Variants in ETNK1 observed in about 807,000 individuals in gnomAD.
ETNK1 encodes the protein ethanolamine kinase 1, also known as putative protein product of Nbla10396.
A neutral mutation model predicts 45.1 loss-of-function variants in ETNK1; 8 were observed. The observed-to-expected ratio is 0.18, with a 90% CI of 0.10 to 0.32. The LOEUF is 0.32. Ranked by LOEUF, ETNK1 falls within the 10% of genes least tolerant of loss-of-function variation. The pLI is 1.00. For synonymous variants in ETNK1, 152 were observed against 151.9 expected (o/e 1.00, Z -0.01); for missense variants, 302 against 430.6 (o/e 0.70, Z 2.64).
chr12:22,655,272 T>G (rs1953924626), intron 2 of ETNK1, among the ~76,000 whole-genome samples: 1 of 150,790 alleles, frequency 6.6e-6, no homozygotes, highest in South Asian at 2.1e-4. Flanking sequence ...CCGGCCAACT[T>G]GTAGGAAGTT....
chr12:22,671,393 A>T (rs1283066254), intron 5 of ETNK1, 38 bp downstream of exon 5: 1 of 1,225,494 alleles, frequency 8.2e-7, no homozygotes, highest in Non-Finnish European at 1.2e-6. Flanking sequence ...CTTTGAAACG[A>T]TATTTTCAGA....
At chr12:22,646,756 ATC>A (rs1953812696) in intron 2 of ETNK1, among the ~76,000 whole-genome samples, 1 of 151,820 alleles carries the variant, frequency 6.6e-6, no homozygotes, top group Non-Finnish European at 1.5e-5. Context: ...TGACGAAGGT[ATC>A]TCATTTGAAT....
chr12:22,684,800 C>T, intron 7 of ETNK1, 82 bp from the exon 8 acceptor site: 3 of 1,118,492 alleles, frequency 2.7e-6, no homozygotes, highest in Non-Finnish European at 2.6e-6. Flanking sequence ...AGAAAACCAG[C>T]TTAGAGGACT....
intron 2 of ETNK1, among the ~76,000 whole-genome samples, chr12:22,647,200 ATC>A (rs1953818313): frequency 6.6e-6 from 1 of 151,886 alleles, no homozygotes; most frequent in South Asian, 2.1e-4. Context: ...CAAATTTCTT[ATC>A]AGATATTTCT....
At chr12:22,662,242 ATTTTTTTTTTTTT>A (rs774396641) in intron 4 of ETNK1, among the ~76,000 whole-genome samples, 3 of 73,416 alleles carry the variant, frequency 4.1e-5, no homozygotes, top group Non-Finnish European at 8.3e-5. Flanking sequence ...TAATTTTTGT[ATTTTTTTTTTTTT>A]TTTTTTTTTT....
At chr12:22,650,701 T>C (rs1028307751) in intron 2 of ETNK1, among the ~76,000 whole-genome samples, 5 of 152,004 alleles carry the variant, frequency 3.3e-5, no homozygotes, top group Admixed American at 2.6e-4. Context: ...TCAGCAAATA[T>C]ATTATATAAA....
intron 1 of ETNK1, among the ~76,000 whole-genome samples, chr12:22,641,414 C>T (rs1409516084): frequency 2.0e-5 from 3 of 152,152 alleles, no homozygotes; most frequent in African/African-American, 7.2e-5. Context: ...GTCATTTGGA[C>T]AAAGTTCCTA....
intron 2 of ETNK1, among the ~76,000 whole-genome samples, chr12:22,648,710 A>C (rs949247401): frequency 6.6e-6 from 1 of 152,060 alleles, no homozygotes; most frequent in African/African-American, 2.4e-5. Flanking sequence ...TAGACATACA[A>C]ATTTTTAACT....
chr12:22,642,018 A>G (rs538936962), intron 1 of ETNK1, among the ~76,000 whole-genome samples: 108 of 152,306 alleles, frequency 7.1e-4, no homozygotes, highest in African/African-American at 2.6e-3. Context: ...ATTTAGGGAT[A>G]ATAAGAGAAT....
chr12:22,656,646 T>G, intron 2 of ETNK1: 2 of 985,306 alleles, frequency 2.0e-6, no homozygotes, highest in Non-Finnish European at 2.4e-6. Context: ...AGACGAGAAG[T>G]CATGGAGTTC....
At chr12:22,664,671 A>T (rs1954037279) in intron 4 of ETNK1, among the ~76,000 whole-genome samples, 2 of 152,100 alleles carry the variant, frequency 1.3e-5, no homozygotes, top group Admixed American at 1.3e-4. Context: ...TAGTTGCCTT[A>T]TTATAGCATA....
At position 22,688,821 on chromosome 12, in the gene ETNK1, G is replaced by A. The variant is rs79556170; in HGVS notation, c.*3867G>A. 28 of 151,968 alleles carry A rather than the reference G, an allele frequency of 1.8e-4. No individual in the cohort carries two copies. The East Asian group carries it at 5.2e-3, about 28-fold the overall frequency. The allele number at this position is 151,968 out of a possible 1,614,324, so 9.4% of individuals were successfully genotyped here. A position where few individuals can be genotyped will look rare whatever the true frequency, so the allele number is the denominator to read the frequency against. On this transcript the variant is annotated 3_prime_UTR_variant, in exon 8 of 8. Coordinates refer to ENST00000266517, the MANE Select transcript of ETNK1 (RefSeq NM_018638.5). ...TCTTTAGTCCATTAGATTCCAGAAT[G>A]TCCTTTTACTGGGAATTTAGTTATG...
chr12:22,636,882 C>T (rs7966834), intron 1 of ETNK1, among the ~76,000 whole-genome samples: 3 of 152,016 alleles, frequency 2.0e-5, no homozygotes, highest in Non-Finnish European at 2.9e-5. Context: ...GCTTTCAGAA[C>T]GTGTAAAATA....
intron 5 of ETNK1, 116 bp downstream of exon 5, chr12:22,671,471 C>A (rs1954106246): frequency 4.1e-6 from 3 of 733,544 alleles, no homozygotes; most frequent in African/African-American, 3.6e-5. Context: ...GTGTTGTTGA[C>A]CGTTTTTCTT....
chr12:22,656,880 T>C (rs1953948760), intron 2 of ETNK1: 1 of 867,246 alleles, frequency 1.2e-6, no homozygotes, highest in South Asian at 5.3e-5. Flanking sequence ...TAAGATATAA[T>C]ATTCTGTTGA....
intron 2 of ETNK1, chr12:22,656,570 A>G (rs1200697686): frequency 2.0e-6 from 2 of 985,264 alleles, no homozygotes; most frequent in Non-Finnish European, 2.4e-6. Context: ...CCCTCCAGTG[A>G]CATGGGCCTT....
chr12:22,663,512 G>C (rs1954027158), intron 4 of ETNK1, among the ~76,000 whole-genome samples: 1 of 152,008 alleles, frequency 6.6e-6, no homozygotes, highest in Non-Finnish European at 1.5e-5. Flanking sequence ...AGATTACTTT[G>C]TCTTGGGTGT....
At chr12:22,655,036 C>A in intron 2 of ETNK1, among the ~76,000 whole-genome samples, 1 of 152,154 alleles carries the variant, frequency 6.6e-6, no homozygotes, top group East Asian at 1.9e-4. Flanking sequence ...TTGGTGAGAT[C>A]TCAGCTCACT....
intron 4 of ETNK1, among the ~76,000 whole-genome samples, chr12:22,667,713 C>T (rs980100430): frequency 1.3e-5 from 2 of 152,156 alleles, no homozygotes; most frequent in Non-Finnish European, 2.9e-5. Flanking sequence ...AAAGATTTTT[C>T]AGGTTCTCAT....
Sources: allele counts gnomAD v4.1 joint callset (sites outside exome capture counted in the v4.1 genomes callset), GRCh38; gene constraint gnomAD v4.1.1; transcripts MANE v1.5; gene names NCBI Gene and HGNC (gene_info 2026-07-23, HGNC 2026-07-21).